BRD7: variants seen among roughly 807,000 people sequenced by gnomAD.
BRD7 encodes the protein bromodomain containing 7, also known as bromodomain-containing protein 7.
Under a neutral mutation model 82.1 loss-of-function variants are expected in BRD7, and 15 were observed. The observed-to-expected ratio is 0.18, with a 90% CI of 0.12 to 0.28. The LOEUF is 0.28. BRD7 is among the 10% of genes least tolerant of loss of function. BRD7 has a pLI of 1.00. For missense variants in BRD7, 638 were observed against 779.9 expected (o/e 0.82, Z 2.17); for synonymous variants, 232 against 266.9 (o/e 0.87, Z 1.27).
At chr16:50,345,673 G>T (rs977066629) in intron 5 of BRD7, among the ~76,000 whole-genome samples, 1 of 151,920 alleles carries the variant, frequency 6.6e-6, no homozygotes, top group African/African-American at 2.4e-5. Context: ...AGACAAAGAA[G>T]GCCATTACAT....
At chr16:50,355,205 AC>A (rs1265599458) in intron 2 of BRD7, among the ~76,000 whole-genome samples, 4 of 152,166 alleles carry the variant, frequency 2.6e-5, no homozygotes, top group African/African-American at 9.7e-5. Flanking sequence ...GATACCCAAA[AC>A]CTTTTGGGAA....
intron 5 of BRD7, among the ~76,000 whole-genome samples, chr16:50,343,602 A>G (rs1445969900): frequency 6.6e-6 from 1 of 152,112 alleles, no homozygotes; most frequent in Non-Finnish European, 1.5e-5. Context: ...GGACACTCCC[A>G]CCCTAATACT....
At chr16:50,330,203 G>A (rs1342968716) in intron 8 of BRD7, among the ~76,000 whole-genome samples, 2 of 152,086 alleles carry the variant, frequency 1.3e-5, no homozygotes, top group Non-Finnish European at 2.9e-5. Flanking sequence ...CAGTGATTTG[G>A]GGTGATCTAA....
At position 50,321,350 on chromosome 16, in the gene BRD7, T is replaced by G. The variant is rs2037093333; in HGVS notation, c.1501-576A>C. Among the ~76,000 whole-genome samples, 4 of 151,826 alleles carry G rather than the reference T, an allele frequency of 2.6e-5. No homozygotes were observed. In the South Asian group the frequency reaches 8.3e-4, roughly 32 times the overall value. On this transcript the variant is annotated intron_variant, in intron 13 of 16. Transcript: ENST00000394688. ...CCGAGGTGGGCGGATCACCTGACAT[T>G]AGGAGTTTGAAACCAGCCTGGCCAA...
At chr16:50,368,005 C>T (rs2039212742) in intron 2 of BRD7, 85 bp downstream of exon 2, 5 of 1,390,080 alleles carry the variant, frequency 3.6e-6, no homozygotes, top group Non-Finnish European at 5.1e-6. Flanking sequence ...GTTTGTTTTC[C>T]CCAGATACAA....
chr16:50,368,529 C>T lies in BRD7; in HGVS notation c.49+197G>A, dbSNP rs1177282189. The T allele has an allele frequency of 6.9e-6, 5 of 722,944 alleles. No homozygotes were observed. In the African/African-American group the frequency reaches 7.6e-5, roughly 11 times the overall value. 44.8% of individuals were successfully genotyped at this position (722,944 alleles called of 1,614,324 possible). On this transcript the variant is annotated intron_variant, in intron 1 of 16. Transcript: ENST00000394688. The stretch of plus-strand genomic sequence containing the variant: ...TCACGTCTCCCCACCAGAGACCCAC[C>T]GGACCAGGGGGACCCGGGTTCGAAT...
At chr16:50,321,857 G>T in intron 13 of BRD7, 125 bp downstream of exon 13, 1 of 802,302 alleles carries the variant, frequency 1.2e-6, no homozygotes, top group South Asian at 1.6e-5. Context: ...TTTCAGCTAG[G>T]CCCTCACAAC....
intron 5 of BRD7, chr16:50,349,178 T>C (rs1036352728): frequency 1.7e-5 from 3 of 171,456 alleles, no homozygotes; most frequent in East Asian, 1.9e-4. Flanking sequence ...TTCTCCCTCA[T>C]AGGTGGGAAT....
chr16:50,362,711 T>C (rs932467055), intron 2 of BRD7, among the ~76,000 whole-genome samples: 5 of 152,202 alleles, frequency 3.3e-5, no homozygotes, highest in African/African-American at 1.2e-4. Context: ...ACAAATACTG[T>C]ATCATTCCAC....
chr16:50,331,499 T>G (rs1193378768), intron 8 of BRD7, among the ~76,000 whole-genome samples: 1 of 152,202 alleles, frequency 6.6e-6, no homozygotes, highest in African/African-American at 2.4e-5. Context: ...TTCAGGAGTT[T>G]GAGACCTGCC....
Position 50,318,967 on chromosome 16 carries a change from G to T in BRD7, c.*244C>A. On this transcript the variant is annotated 3_prime_UTR_variant, in exon 17 of 17. Coordinates refer to ENST00000394688, the MANE Select transcript of BRD7 (RefSeq NM_013263.5). ...CTGTGGGACATAAGGAAGAAGCATT[G>T]GAAGGCACTATTTTGAAAGAATGCT... The T allele has an allele frequency of 3.4e-5, 14 of 415,546 alleles. No homozygotes were observed. The highest frequency in any genetic ancestry group is 4.8e-5 in the Non-Finnish European group (11 of 230,016). 25.7% of individuals were successfully genotyped at this position (415,546 alleles called of 1,614,324 possible).
At position 50,330,014 on chromosome 16, in the gene BRD7, C is replaced by T. The variant is rs76946718; in HGVS notation, c.1012-1270G>A. 4.8e-3 allele frequency among the ~76,000 whole-genome samples: 737 copies of T among 152,276 alleles called. 19 individuals carry two copies. The East Asian group carries it at 0.081, about 17-fold the overall frequency. ...AGGGACCTAAAGGAATTTCTGGCAG[C>T]TTGTGATCTCTTGAGTAAACAGAAA... On this transcript the variant is annotated intron_variant, in intron 8 of 16. Coordinates refer to ENST00000394688, the MANE Select transcript of BRD7 (RefSeq NM_013263.5).
At chr16:50,350,697 A>T (rs1284815401) in intron 4 of BRD7, among the ~76,000 whole-genome samples, 1 of 152,196 alleles carries the variant, frequency 6.6e-6, no homozygotes, top group Non-Finnish European at 1.5e-5. Flanking sequence ...GTCCTCTTAA[A>T]TACCTCCGTA....
At position 50,317,614 on chromosome 16, in the gene BRD7, GA is replaced by G. The variant is rs1372347123; in HGVS notation, c.*1596del. ...AAAGCAAAGCACTGTGCTGTGCTCA[GA>G]TAATAATAGTTTGTAAGTAAAAGTT... On this transcript the variant is annotated 3_prime_UTR_variant, in exon 17 of 17. Transcript: ENST00000394688. 6 of 152,406 alleles carry G rather than the reference GA, an allele frequency of 3.9e-5. No homozygotes were observed. The East Asian group carries it at 1.1e-3, about 29-fold the overall frequency. The allele number at this position is 152,406 out of a possible 1,614,324, so 9.4% of individuals were successfully genotyped here.
intron 4 of BRD7, among the ~76,000 whole-genome samples, chr16:50,350,420 T>A (rs1415247889): frequency 6.6e-6 from 1 of 152,222 alleles, no homozygotes; most frequent in Non-Finnish European, 1.5e-5. Flanking sequence ...CATTAACAGC[T>A]ACACTTATAC....
chr16:50,354,465 G>A lies in BRD7; in HGVS notation c.406C>T (p.Leu136Phe). The A allele has an allele frequency of 1.9e-6, 3 of 1,612,064 alleles. No individual in the cohort carries two copies. The highest frequency in any genetic ancestry group is 2.5e-6 in the Non-Finnish European group (3 of 1,179,292). The change falls in exon 4 of 17, where the codon CTT becomes TTT. Residue 136 changes from leucine (L) to phenylalanine (F), a missense_variant. By Grantham distance (22) the Leu-to-Phe change is conservative (BLOSUM62 0). Coordinates refer to ENST00000394688, the MANE Select transcript of BRD7 (RefSeq NM_013263.5). Reference sequence around the variant, plus strand: ...ATCAGTTGATTCAAAGCTTCTTGAAGGGGTGTCTGTTCTACTTCTAAAGCA... The same window carrying A: ...ATCAGTTGATTCAAAGCTTCTTGAAAGGGTGTCTGTTCTACTTCTAAAGCA... ...AKQEEVEQTP[L>F]QEALNQLMRQ...
At chr16:50,343,321 T>C (rs1355354243) in intron 5 of BRD7, among the ~76,000 whole-genome samples, 1 of 152,150 alleles carries the variant, frequency 6.6e-6, no homozygotes, top group East Asian at 1.9e-4. Flanking sequence ...TCTGGTTGTT[T>C]GAAAGTGTGT....
chr16:50,333,168 T>G (rs2037642562), intron 8 of BRD7, among the ~76,000 whole-genome samples: 1 of 152,228 alleles, frequency 6.6e-6, no homozygotes, highest in South Asian at 2.1e-4. Context: ...CAATATGATT[T>G]CAAAAGACCA....
At chr16:50,366,658 A>C (rs1597107564) in intron 2 of BRD7, among the ~76,000 whole-genome samples, 1 of 152,242 alleles carries the variant, frequency 6.6e-6, no homozygotes, top group African/African-American at 2.4e-5. Context: ...AGTAAATAGC[A>C]ATATAAACCT....
Sources: gnomAD v4.1 joint callset for allele counts (sites outside exome capture counted in the v4.1 genomes callset) on GRCh38, gnomAD v4.1.1 for gene constraint, MANE v1.5 for transcripts, NCBI Gene and HGNC (gene_info 2026-07-23, HGNC 2026-07-21) for gene names.